The following CHLSN variants were observed in gnomAD, a reference collection of about 807,000 sequenced individuals.
The protein encoded by CHLSN is protein cholesin.
At chr7:1,028,866 C>T in the CHLSN span, 2 of 811,116 alleles carry the variant, frequency 2.5e-6, no homozygotes, top group Non-Finnish European at 3.0e-6. Context: ...GCCATCTCCC[C>T]AATCTGCCCC....
the CHLSN span, chr7:987,083 G>A: frequency 4.7e-6 from 7 of 1,494,014 alleles, no homozygotes; most frequent in Admixed American, 4.4e-5. Flanking sequence ...ATCATCCCAC[G>A]AGCCCTGCCC....
chr7:1,040,308 C>T, the CHLSN span, among the ~76,000 whole-genome samples: 100,518 of 151,606 alleles, frequency 0.66, 34,862 homozygotes, highest in African/African-American at 0.88. Flanking sequence ...CTGGGCAACA[C>T]AGTGAGACCC....
the CHLSN span, chr7:1,058,013 CATCTG>C: frequency 1.3e-6 from 1 of 769,884 alleles, no homozygotes; most frequent in Non-Finnish European, 2.4e-6. Context: ...TGCTCTTCTA[CATCTG>C]CAGCCATGTG....
At chr7:1,119,695 G>C in the CHLSN span, among the ~76,000 whole-genome samples, 6 of 152,146 alleles carry the variant, frequency 3.9e-5, no homozygotes, top group African/African-American at 1.4e-4. Context: ...CAGCCAACAA[G>C]GCGAAACCCT....
At chr7:999,853 G>C in the CHLSN span, among the ~76,000 whole-genome samples, 1 of 152,362 alleles carries the variant, frequency 6.6e-6, no homozygotes, top group African/African-American at 2.4e-5. Context: ...GACATGGGCA[G>C]CTCCAGCCCG....
At chr7:1,057,788 G>C in the CHLSN span, 5 of 776,102 alleles carry the variant, frequency 6.4e-6, no homozygotes, top group East Asian at 1.2e-4. Context: ...CGAGCTCCCG[G>C]TGGGCGCTGT....
chr7:1,099,118 C>T, the CHLSN span, among the ~76,000 whole-genome samples: 24 of 137,702 alleles, frequency 1.7e-4, no homozygotes, highest in African/African-American at 5.2e-4. Flanking sequence ...GCCTCGCTGT[C>T]GCGTTCCTGC....
the CHLSN span, among the ~76,000 whole-genome samples, chr7:1,136,629 AAT>A: frequency 4.9e-5 from 7 of 144,208 alleles, no homozygotes; most frequent in East Asian, 2.0e-4. Flanking sequence ...TATAAAAATA[AAT>A]ATATATATGC....
the CHLSN span, among the ~76,000 whole-genome samples, chr7:1,113,649 C>T: frequency 6.6e-6 from 1 of 152,182 alleles, no homozygotes; most frequent in East Asian, 1.9e-4. Context: ...GCGGCCCTTA[C>T]GACACCCACC....
chr7:983,867 G>C, the CHLSN span, among the ~76,000 whole-genome samples: 3 of 152,342 alleles, frequency 2.0e-5, no homozygotes, highest in African/African-American at 7.2e-5. Flanking sequence ...CAGAGGGTAC[G>C]GGGACACGGC....
chr7:1,019,315 A>G, the CHLSN span, among the ~76,000 whole-genome samples: 1 of 151,472 alleles, frequency 6.6e-6, no homozygotes, highest in African/African-American at 2.4e-5. Context: ...CTGCAAAGCC[A>G]GAAGGTACCT....
At chr7:1,053,640 C>T in the CHLSN span, among the ~76,000 whole-genome samples, 2 of 152,146 alleles carry the variant, frequency 1.3e-5, no homozygotes, top group Admixed American at 6.5e-5. Context: ...TCAGCCTGGC[C>T]AACATGGAGA....
the CHLSN span, among the ~76,000 whole-genome samples, chr7:1,087,882 C>T: frequency 6.6e-6 from 1 of 152,144 alleles, no homozygotes; most frequent in African/African-American, 2.4e-5. Context: ...TGCCTTCAAA[C>T]TTAAAGAAAG....
the CHLSN span, among the ~76,000 whole-genome samples, chr7:1,119,139 T>C: frequency 1.3e-5 from 2 of 152,062 alleles, no homozygotes; most frequent in Non-Finnish European, 2.9e-5. Flanking sequence ...GTTAATAGGA[T>C]ATTCTAACCA....
chr7:1,031,395 G>T, the CHLSN span, among the ~76,000 whole-genome samples: 1 of 144,842 alleles, frequency 6.9e-6, no homozygotes, highest in East Asian at 2.1e-4. Flanking sequence ...GTGGTCCGGG[G>T]GGGCAGAGAC....
chr7:1,051,642 T>C, the CHLSN span, among the ~76,000 whole-genome samples: 30 of 152,306 alleles, frequency 2.0e-4, no homozygotes, highest in East Asian at 3.9e-4. Context: ...GGACGGGCAG[T>C]AGGTGCAAGG....
At chr7:1,034,358 CAT>C in the CHLSN span, among the ~76,000 whole-genome samples, 13 of 150,978 alleles carry the variant, frequency 8.6e-5, no homozygotes, top group South Asian at 4.2e-4. Context: ...AATTGAGGTA[CAT>C]GTTTCATGCA....
chr7:1,115,700 C>T, the CHLSN span, among the ~76,000 whole-genome samples: 1 of 120,652 alleles, frequency 8.3e-6, no homozygotes, highest in East Asian at 2.3e-4. Context: ...CGCAGGATGA[C>T]TTCACTACAG....
the CHLSN span, among the ~76,000 whole-genome samples, chr7:1,062,289 C>T: frequency 1.3e-5 from 2 of 152,108 alleles, no homozygotes; most frequent in Admixed American, 6.6e-5. Flanking sequence ...AATCTACACA[C>T]GTCTTCTTTC....
Sources: gnomAD v4.1 joint callset for allele counts (sites outside exome capture counted in the v4.1 genomes callset) on GRCh38, gnomAD v4.1.1 for gene constraint, MANE v1.5 for transcripts, NCBI Gene and HGNC (gene_info 2026-07-23, HGNC 2026-07-21) for gene names.